The following DPYD variants were observed in gnomAD, a reference collection of about 807,000 sequenced individuals.
DPYD encodes dihydropyrimidine dehydrogenase [NADP(+)].
A neutral mutation model predicts 116.2 loss-of-function variants in DPYD; 109 were observed. The observed-to-expected ratio is 0.94, with a 90% CI of 0.80 to 1.10. DPYD has a LOEUF of 1.10. Among genes scored for constraint, DPYD ranks in the 50% least tolerant of loss-of-function variants. DPYD has a pLI of 0.00. For synonymous variants in DPYD, 440 were observed against 432.0 expected, an observed-to-expected ratio of 1.02 and a Z score of -0.23; for missense variants, 1,302 against 1,254.5, an observed-to-expected ratio of 1.04 and a Z score of -0.57.
chr1:97,699,450 C>A lies in DPYD; in HGVS notation c.581G>T (p.Gly194Val), dbSNP rs751841116. 3.1e-6 allele frequency: 5 copies of A among 1,613,502 alleles called. No homozygotes were observed. The highest frequency in any genetic ancestry group is 4.2e-6 in the Non-Finnish European group (5 of 1,179,698). Reference protein sequence around the residue: ...EAYSAKIALFGAGPASISCAS... With the variant: ...EAYSAKIALFVAGPASISCAS... ...ACAACTTATACTTGCAGGCCCAGCA[C>A]CAAAAAGAGCAATCTTTGCAGAATA... Residue 194 changes from glycine to valine, a missense_variant, in exon 6 of 23, where the codon GGT becomes GTT. Coordinates refer to ENST00000370192, the MANE Select transcript of DPYD (RefSeq NM_000110.4).
chr1:97,091,462 G>A (rs1325175432), intron 21 of DPYD, among the ~76,000 whole-genome samples: 1 of 152,136 alleles, frequency 6.6e-6, no homozygotes, highest in Non-Finnish European at 1.5e-5. Context: ...GCCTGGGTGT[G>A]TGCTAAAAAA....
At chr1:97,785,995 G>A (rs1309839508) in intron 3 of DPYD, among the ~76,000 whole-genome samples, 2 of 150,940 alleles carry the variant, frequency 1.3e-5, no homozygotes, top group East Asian at 3.9e-4. Flanking sequence ...GTCCGGCCGG[G>A]CCACTGACTC....
At chr1:97,409,810 C>T (rs1054827784) in intron 14 of DPYD, among the ~76,000 whole-genome samples, 5 of 152,124 alleles carry the variant, frequency 3.3e-5, no homozygotes, top group African/African-American at 1.2e-4. Context: ...TTTAAAACTA[C>T]AGGGCCAGGC....
intron 2 of DPYD, among the ~76,000 whole-genome samples, chr1:97,881,378 G>T (rs778625184): frequency 6.6e-6 from 1 of 151,988 alleles, no homozygotes; most frequent in Non-Finnish European, 1.5e-5. Flanking sequence ...AGAACTGTGA[G>T]AAAATAAGTC....
At chr1:97,676,507 G>A (rs549174478) in intron 8 of DPYD, among the ~76,000 whole-genome samples, 2 of 152,164 alleles carry the variant, frequency 1.3e-5, no homozygotes, top group South Asian at 2.1e-4. Flanking sequence ...AGAACTAAAC[G>A]TTTATATTGT....
chr1:97,090,435 G>C (rs1000190394), intron 21 of DPYD, among the ~76,000 whole-genome samples: 3 of 152,066 alleles, frequency 2.0e-5, no homozygotes, highest in Non-Finnish European at 2.9e-5. Flanking sequence ...GTTATTGTGA[G>C]GATTAAATGA....
chr1:97,474,463 T>C (rs1171304916), intron 13 of DPYD, among the ~76,000 whole-genome samples: 1 of 151,966 alleles, frequency 6.6e-6, no homozygotes, highest in Non-Finnish European at 1.5e-5. Flanking sequence ...TGTTTAAATA[T>C]TTAAAATCCT....
At chr1:97,518,260 C>G (rs1180740087) in intron 12 of DPYD, among the ~76,000 whole-genome samples, 2 of 151,904 alleles carry the variant, frequency 1.3e-5, no homozygotes, top group African/African-American at 2.4e-5. Flanking sequence ...CTTTTATTCA[C>G]AAAAGTGCTA....
chr1:97,131,004 A>G (rs575261222), intron 20 of DPYD, among the ~76,000 whole-genome samples: 1 of 151,714 alleles, frequency 6.6e-6, no homozygotes, highest in African/African-American at 2.4e-5. Context: ...CATTATGACA[A>G]GTTTTAAGTA....
chr1:97,849,933 T>C (rs1056338578), intron 2 of DPYD, among the ~76,000 whole-genome samples: 3 of 152,188 alleles, frequency 2.0e-5, no homozygotes, highest in African/African-American at 7.2e-5. Flanking sequence ...CATGTTGTTG[T>C]TGTCCTCAGG....
At chr1:97,635,223 G>A (rs1006090981) in intron 8 of DPYD, among the ~76,000 whole-genome samples, 2 of 152,032 alleles carry the variant, frequency 1.3e-5, no homozygotes, top group Admixed American at 6.6e-5. Context: ...TGTAGGGACC[G>A]ATATATATGC....
intron 13 of DPYD, among the ~76,000 whole-genome samples, chr1:97,475,338 A>G (rs1432293603): frequency 6.6e-6 from 1 of 152,210 alleles, no homozygotes; most frequent in Non-Finnish European, 1.5e-5. Context: ...GAAGTAGAAG[A>G]AAACATATGT....
At chr1:97,687,522 T>C (rs758440502) in intron 7 of DPYD, among the ~76,000 whole-genome samples, 4 of 152,198 alleles carry the variant, frequency 2.6e-5, no homozygotes, top group Non-Finnish European at 5.9e-5. Context: ...GCTTTTACAC[T>C]GTTAGTGGAA....
intron 3 of DPYD, among the ~76,000 whole-genome samples, chr1:97,802,070 G>T (rs1392145256): frequency 6.6e-6 from 1 of 151,738 alleles, no homozygotes; most frequent in Non-Finnish European, 1.5e-5. Flanking sequence ...CAGAAAAAAT[G>T]ATGCAAAGAA....
At chr1:97,502,554 C>G (rs987212147) in intron 13 of DPYD, among the ~76,000 whole-genome samples, 1 of 151,784 alleles carries the variant, frequency 6.6e-6, no homozygotes, top group African/African-American at 2.4e-5. Context: ...AGCAAACAGC[C>G]ACGATCTGAT....
chr1:97,903,772 A>G (rs1362987056), intron 1 of DPYD, among the ~76,000 whole-genome samples: 1 of 151,994 alleles, frequency 6.6e-6, no homozygotes, highest in Non-Finnish European at 1.5e-5. Context: ...TTCAAACTTT[A>G]GGCAGCCTTT....
At chr1:97,482,448 G>A (rs536217110) in intron 13 of DPYD, among the ~76,000 whole-genome samples, 1 of 152,126 alleles carries the variant, frequency 6.6e-6, no homozygotes, top group Non-Finnish European at 1.5e-5. Context: ...GAACTTGAAG[G>A]AAAGATACCG....
At chr1:97,471,166 G>T (rs2101851985) in intron 13 of DPYD, among the ~76,000 whole-genome samples, 1 of 152,288 alleles carries the variant, frequency 6.6e-6, no homozygotes, top group Non-Finnish European at 1.5e-5. Context: ...CTACTTCACT[G>T]ATGCCATTAT....
At chr1:97,802,471 T>C (rs1212441285) in intron 3 of DPYD, among the ~76,000 whole-genome samples, 2 of 151,848 alleles carry the variant, frequency 1.3e-5, no homozygotes, top group Non-Finnish European at 2.9e-5. Flanking sequence ...AGTAGGAACT[T>C]TGGACTTACA....
Sources: allele counts gnomAD v4.1 joint callset (sites outside exome capture counted in the v4.1 genomes callset), GRCh38; gene constraint gnomAD v4.1.1; transcripts MANE v1.5; gene names NCBI Gene and HGNC (gene_info 2026-07-23, HGNC 2026-07-21).